The following ARHGEF4 variants were observed in gnomAD, a reference collection of about 807,000 sequenced individuals.
The protein encoded by ARHGEF4 is Rho guanine nucleotide exchange factor 4, also known as APC-stimulated guanine nucleotide exchange factor 1.
Under a neutral mutation model 162.0 loss-of-function variants are expected in ARHGEF4, and 119 were observed. The ratio of observed to expected loss-of-function variants is 0.73; its 90% confidence interval spans 0.63 to 0.86. The LOEUF (loss-of-function observed/expected upper bound fraction) is 0.86. ARHGEF4 is among the 40% of genes least tolerant of loss of function. ARHGEF4 has a pLI of 0.00. For synonymous variants in ARHGEF4, 1,014 were observed against 979.9 expected (o/e 1.03, Z -0.65); for missense variants, 2,488 against 2,456.0 (o/e 1.01, Z -0.28).
At chr2:130,885,555 T>C (rs1679463433) in intron 1 of ARHGEF4, among the ~76,000 whole-genome samples, 1 of 149,600 alleles carries the variant, frequency 6.7e-6, no homozygotes, top group Admixed American at 6.8e-5. Flanking sequence ...CACTCTCTTT[T>C]TTCTTATTCT....
Position 131,039,018 on chromosome 2 carries a change from G to A in ARHGEF4, c.4291G>A (p.Ala1431Thr), listed in dbSNP as rs752871941. ...RVADGEGWFPASFVRLRVNQD... is the reference protein window; with the variant it reads ...RVADGEGWFPTSFVRLRVNQD... ...CGCCGATGGCGAGGGCTGGTTTCCA[G>A]CCAGCTTCGTTCGGGTATGGTTCCA... Residue 1431 changes from alanine (A) to threonine (T), a missense_variant, in exon 6 of 14, where the codon GCC becomes ACC. By Grantham distance (58) the Ala-to-Thr change is moderately conservative (BLOSUM62 0). Around this residue, in one of 6 missense-constraint regions of ARHGEF4, gnomAD observed 174 missense variants for 148.3 expected, o/e 1.17. Transcript: ENST00000409359. 1.2e-5 allele frequency: 20 copies of A among 1,612,382 alleles called. No homozygotes were observed. The highest frequency in any genetic ancestry group is 1.6e-5 in the Non-Finnish European group (19 of 1,179,498).
At chr2:130,988,901 T>TATATAGAGAGAGAGAGAG (rs1469212068) in intron 4 of ARHGEF4, among the ~76,000 whole-genome samples, 2 of 113,384 alleles carry the variant, frequency 1.8e-5, no homozygotes, top group East Asian at 5.7e-4. Flanking sequence ...TATATATATA[T>TATATAGAGAGAGAGAGAG]AGAGAGAGAG....
At chr2:131,002,001 C>T (rs959188579) in intron 4 of ARHGEF4, among the ~76,000 whole-genome samples, 1 of 152,084 alleles carries the variant, frequency 6.6e-6, no homozygotes, top group Non-Finnish European at 1.5e-5. Context: ...TTTGTTTAAT[C>T]TCTGGGATGG....
intron 3 of ARHGEF4, among the ~76,000 whole-genome samples, chr2:130,940,211 C>A (rs1397473231): frequency 1.3e-5 from 2 of 152,040 alleles, no homozygotes; most frequent in Non-Finnish European, 2.9e-5. Flanking sequence ...ACAGGTGCTA[C>A]AGTGATATCA....
At chr2:130,980,538 A>G (rs1019208952) in intron 4 of ARHGEF4, among the ~76,000 whole-genome samples, 3 of 152,246 alleles carry the variant, frequency 2.0e-5, no homozygotes, top group African/African-American at 7.2e-5. Flanking sequence ...ATACTATACA[A>G]CGAAACAGGG....
intron 2 of ARHGEF4, among the ~76,000 whole-genome samples, chr2:130,922,694 G>A (rs1681950454): frequency 6.6e-6 from 1 of 152,058 alleles, no homozygotes; most frequent in Admixed American, 6.6e-5. Flanking sequence ...CTGAGGGGGA[G>A]TGAGATATTA....
At chr2:130,898,899 T>C (rs903171097) in intron 1 of ARHGEF4, among the ~76,000 whole-genome samples, 1 of 152,078 alleles carries the variant, frequency 6.6e-6, no homozygotes, top group African/African-American at 2.4e-5. Flanking sequence ...AGGGGTTCAG[T>C]TTGATAGGGG....
chr2:130,929,354 A>C (rs1682485372), intron 2 of ARHGEF4, among the ~76,000 whole-genome samples: 1 of 152,156 alleles, frequency 6.6e-6, no homozygotes, highest in African/African-American at 2.4e-5. Flanking sequence ...CCAGCCATCC[A>C]GTTTCTCTTC....
In ARHGEF4 at chr2:130,946,497, C is replaced by T. The variant is rs377269957; in HGVS notation, c.3859-12C>T. ...TCTTCATTTGCCCTCTGTCTCTTTC[C>T]TCCTCTTCCAGTGCTGGAGAAAGAC... On this transcript the variant is annotated splice_polypyrimidine_tract_variant and intron_variant, in intron 3 of 13. Coordinates refer to ENST00000409359, the MANE Select transcript of ARHGEF4 (RefSeq NM_001367493.1). The T allele has an allele frequency of 5.6e-6, 9 of 1,602,878 alleles. No homozygotes were observed. The highest frequency in any genetic ancestry group is 7.7e-6 in the Non-Finnish European group (9 of 1,173,726).
chr2:130,843,569 C>A (rs1680749072), intron 1 of ARHGEF4, among the ~76,000 whole-genome samples: 1 of 152,242 alleles, frequency 6.6e-6, no homozygotes, highest in Non-Finnish European at 1.5e-5. Flanking sequence ...GGCCTCCTCT[C>A]CCCCACTGCT....
chr2:130,871,836 G>C (rs1678507093), intron 1 of ARHGEF4, among the ~76,000 whole-genome samples: 1 of 152,166 alleles, frequency 6.6e-6, no homozygotes, highest in Non-Finnish European at 1.5e-5. Flanking sequence ...ACTCTTGCCA[G>C]TGGAGAAGGA....
At chr2:130,994,942 C>T (rs1222377798) in intron 4 of ARHGEF4, among the ~76,000 whole-genome samples, 1 of 152,330 alleles carries the variant, frequency 6.6e-6, no homozygotes, top group East Asian at 1.9e-4. Flanking sequence ...CCTGACTCCT[C>T]CTCGGACTCC....
intron 4 of ARHGEF4, among the ~76,000 whole-genome samples, chr2:130,975,167 C>T (rs1470000128): frequency 1.3e-5 from 2 of 152,172 alleles, no homozygotes; most frequent in East Asian, 1.9e-4. Context: ...GTTCTGGACA[C>T]GTGGACAACT....
intron 6 of ARHGEF4, 135 bp from the exon 7 acceptor site, chr2:131,039,881 G>A (rs1403621831): frequency 2.8e-6 from 4 of 1,430,500 alleles, no homozygotes; most frequent in Non-Finnish European, 3.6e-6. Flanking sequence ...GGGGGGAGCT[G>A]GCCGGCCAGT....
chr2:130,964,576 T>C (rs926387751), intron 4 of ARHGEF4, among the ~76,000 whole-genome samples: 14 of 152,232 alleles, frequency 9.2e-5, no homozygotes, highest in Non-Finnish European at 1.5e-4. Flanking sequence ...CCCGATGCGC[T>C]GTGTTCCTTT....
chr2:130,977,180 G>T (rs566949902), intron 4 of ARHGEF4, among the ~76,000 whole-genome samples: 2 of 151,772 alleles, frequency 1.3e-5, no homozygotes, highest in East Asian at 3.9e-4. Flanking sequence ...TGTATTGTGT[G>T]TTGTGTTTGT....
At chr2:130,947,255 A>G in intron 4 of ARHGEF4, 1 of 153,060 alleles carries the variant, frequency 6.5e-6, no homozygotes, top group Non-Finnish European at 1.5e-5. Context: ...TTATCTCCAT[A>G]TGGTGGTGCA....
intron 5 of ARHGEF4, among the ~76,000 whole-genome samples, chr2:131,032,191 C>G (rs1053416115): frequency 5.3e-5 from 8 of 152,032 alleles, no homozygotes; most frequent in African/African-American, 1.7e-4. Context: ...AGGCATCAGG[C>G]TCCTCTGTGG....
chr2:131,019,647 T>TG (rs1269134412), intron 4 of ARHGEF4, among the ~76,000 whole-genome samples: 1 of 151,698 alleles, frequency 6.6e-6, no homozygotes, highest in Non-Finnish European at 1.5e-5. Flanking sequence ...TGTTTTTGTT[T>TG]TTTTGAGATG....
Sources: gnomAD v4.1 joint callset for allele counts (sites outside exome capture counted in the v4.1 genomes callset) on GRCh38, gnomAD v4.1.1 for gene constraint, gnomAD v4.1.1 regional missense constraint, MANE v1.5 for transcripts, NCBI Gene and HGNC (gene_info 2026-07-23, HGNC 2026-07-21) for gene names.